The following SNX8 variants were observed in gnomAD, a reference collection of about 807,000 sequenced individuals.
The protein encoded by SNX8 is sorting nexin 8.
A neutral mutation model predicts 51.6 loss-of-function variants in SNX8; 25 were observed. The ratio of observed to expected loss-of-function variants is 0.48; its 90% CI spans 0.35 to 0.68. The LOEUF is 0.68. SNX8 is among the 30% of genes least tolerant of loss of function. SNX8 has a pLI of 0.00. For missense variants in SNX8, 695 were observed against 624.0 expected (o/e 1.11, Z -1.21); for synonymous variants, 324 against 277.0 (o/e 1.17, Z -1.68).
chr7:2,316,080 C>G (rs560874880), upstream of SNX8, among the ~76,000 whole-genome samples: 271 of 149,406 alleles, frequency 1.8e-3, 2 homozygotes, highest in African/African-American at 6.3e-3. Flanking sequence ...CTCACTCATG[C>G]ACTTCATCCT....
rs972021394 is a variant in SNX8, at chr7:2,254,952, G to A, written c.*104C>T. On this transcript the variant is annotated 3_prime_UTR_variant, in exon 11 of 11. Transcript: ENST00000222990. ...CTCTGCTCCAGCTGCAGCACGGGGC[G>A]TGGCGGGGAGGGGAGCTGCCGTCCA... The A allele has an allele frequency of 1.9e-5, 15 of 804,500 alleles. No homozygotes were observed. Among genetic ancestry groups the A allele is most frequent in the African/African-American group, 1.5e-4 (9 of 59,088 alleles). The allele number at this position is 804,500 out of a possible 1,614,324, so 49.8% of individuals were successfully genotyped here.
chr7:2,279,494 G>A (rs62442529), intron 1 of SNX8, among the ~76,000 whole-genome samples: 23,916 of 152,154 alleles, frequency 0.16, 2,149 homozygotes, highest in Middle Eastern at 0.26. Flanking sequence ...GCTCACGCCT[G>A]TAATCCTGGG....
chr7:2,299,197 T>G (rs1473452956), intron 1 of SNX8: 1 of 151,884 alleles, frequency 6.6e-6, no homozygotes, highest in Non-Finnish European at 1.5e-5. Flanking sequence ...CATCCATCGC[T>G]GAGACCCAGG....
intron 1 of SNX8, among the ~76,000 whole-genome samples, chr7:2,339,092 T>C (rs536178963): frequency 4.6e-5 from 7 of 152,144 alleles, no homozygotes; most frequent in African/African-American, 7.2e-5. Context: ...AAATTATTTG[T>C]AGATACAAGA....
At chr7:2,308,978 G>C (rs141370993) in intron 1 of SNX8, among the ~76,000 whole-genome samples, 1 of 151,864 alleles carries the variant, frequency 6.6e-6, no homozygotes, top group Non-Finnish European at 1.5e-5. Flanking sequence ...TTGTACAGAC[G>C]GGGTTTCACC....
chr7:2,321,478 G>C (rs1385949505), intron 1 of SNX8, among the ~76,000 whole-genome samples: 1 of 149,588 alleles, frequency 6.7e-6, no homozygotes, highest in African/African-American at 2.5e-5. Context: ...CCAGGCTGGA[G>C]TGCAGTGGCG....
At chr7:2,268,507 C>A (rs1240403310) in intron 5 of SNX8, among the ~76,000 whole-genome samples, 77 of 130,720 alleles carry the variant, frequency 5.9e-4, no homozygotes, top group Non-Finnish European at 6.4e-4. Context: ...GGTGGGGGGT[C>A]AGCCCCCCCG....
In SNX8 at chr7:2,269,549, A is replaced by G. The variant is rs978493901; in HGVS notation, c.621+10T>C. ...AAAAAAAAAAAAAAAGAAAAAAAAA[A>G]GAAAAATACCTTGGCCCTGGTAGCC... On this transcript the variant is annotated intron_variant, in intron 5 of 10. Coordinates refer to ENST00000222990, the MANE Select transcript of SNX8 (RefSeq NM_013321.4). 5.3e-6 allele frequency: 8 copies of G among 1,500,638 alleles called. No individual in the cohort carries two copies. The African/African-American group carries it at 1.1e-4, about 21-fold the overall frequency. The allele number at this position is 1,500,638 out of a possible 1,614,324, so 93.0% of individuals were successfully genotyped here. A position where few individuals can be genotyped will look rare whatever the true frequency, so the allele number is the denominator to read the frequency against.
intron 1 of SNX8, among the ~76,000 whole-genome samples, chr7:2,300,359 C>A (rs1290511838): frequency 6.6e-6 from 1 of 152,212 alleles, no homozygotes; most frequent in African/African-American, 2.4e-5. Context: ...AGACTGTCTA[C>A]ACCCAGTTGT....
At chr7:2,346,793 A>C (rs1423738993) in intron 1 of SNX8, among the ~76,000 whole-genome samples, 1 of 149,180 alleles carries the variant, frequency 6.7e-6, no homozygotes, top group East Asian at 2.0e-4. Context: ...GGTGGCTCAC[A>C]CCTGTAGCCA....
intron 1 of SNX8, among the ~76,000 whole-genome samples, chr7:2,321,724 T>C (rs1290876769): frequency 7.5e-6 from 1 of 133,168 alleles, no homozygotes; most frequent in Non-Finnish European, 1.6e-5. Flanking sequence ...TTTTTTTTTT[T>C]TTTTTTTTTG....
chr7:2,257,298 T>G, intron 9 of SNX8, 67 bp downstream of exon 9: 1 of 1,539,820 alleles, frequency 6.5e-7, no homozygotes, highest in Non-Finnish European at 8.7e-7. Flanking sequence ...CCAGGACGGC[T>G]CCGGGTCCCA....
Position 2,271,874 on chromosome 7 carries a change from C to T in SNX8, c.516G>A (p.Lys172=). 2 of 1,612,424 alleles carry T rather than the reference C, an allele frequency of 1.2e-6. No individual in the cohort carries two copies. The highest frequency in any genetic ancestry group is 1.7e-6 in the Non-Finnish European group (2 of 1,179,368). ...CCGAGCCGCTGAAGGACAGGAAGAG[C>T]TTGAGGACCACATCCTCGGAGAACA... ...HPLFSEDVVL[K]LFLSFSGSDV... is the part of the protein sequence containing the mutation. Residue 172 remains lysine, a synonymous_variant, in exon 4 of 11, where the codon AAG becomes AAA. Coordinates refer to ENST00000222990, the MANE Select transcript of SNX8 (RefSeq NM_013321.4).
At chr7:2,306,630 T>A (rs1796550588) in intron 1 of SNX8, among the ~76,000 whole-genome samples, 2 of 152,040 alleles carry the variant, frequency 1.3e-5, no homozygotes, top group Non-Finnish European at 1.5e-5. Flanking sequence ...GAACTAACTA[T>A]AAAGACGCAT....
In SNX8 at chr7:2,263,278, T is replaced by C; in HGVS notation, c.867A>G (p.Lys289=). The change falls in exon 7 of 11, where the codon AAA becomes AAG. Residue 289 remains lysine, a synonymous_variant. Transcript: ENST00000222990. ...STWGSLKQAL[K]GLSVEFALLA... is the part of the protein sequence containing the mutation. ...GCAGCGCGAATTCCACAGACAGGCC[T>C]TTCAGAGCCTGCTTCAGGGACCCCC... is the stretch of plus-strand genomic sequence containing the variant. 6.2e-7 allele frequency: 1 copy of C among 1,613,958 alleles called. No homozygotes were observed. The highest frequency in any genetic ancestry group is 1.3e-5 in the African/African-American group (1 of 75,072).
chr7:2,260,006 GAA>G (rs1471660107), intron 7 of SNX8, among the ~76,000 whole-genome samples: 2 of 152,002 alleles, frequency 1.3e-5, no homozygotes, highest in African/African-American at 2.4e-5. Context: ...AAGGAAAAAA[GAA>G]AGAGAGAGAG....
chr7:2,345,341 T>A (rs572768284), intron 1 of SNX8, among the ~76,000 whole-genome samples: 1 of 152,220 alleles, frequency 6.6e-6, no homozygotes, highest in African/African-American at 2.4e-5. Flanking sequence ...GTGCAGCACG[T>A]CCATTTAAAG....
rs953897569 is a variant in SNX8 at position 2,328,885 on chromosome 7, A to G, written c.-66+25337T>C. 3.7e-4 allele frequency among the ~76,000 whole-genome samples: 57 copies of G among 152,128 alleles called. No individual in the cohort carries two copies. In the Middle Eastern group the frequency reaches 0.014, roughly 36 times the overall value. On this transcript the variant is annotated intron_variant, in intron 1 of 5. Coordinates refer to the SNX8 transcript ENST00000435336. The stretch of plus-strand genomic sequence containing the variant: ...TGGATCACAAGGTCAGGAGATCGAG[A>G]CCATCCTGGCTAACATGGTGAAACC...
intron 2 of SNX8, among the ~76,000 whole-genome samples, chr7:2,276,873 A>T (rs1326803664): frequency 7.3e-6 from 1 of 136,512 alleles, no homozygotes; most frequent in Non-Finnish European, 1.7e-5. Context: ...TGAGCCTGGG[A>T]GGTTGAGGCT....
Sources: gnomAD v4.1 joint callset for allele counts (sites outside exome capture counted in the v4.1 genomes callset) on GRCh38, gnomAD v4.1.1 for gene constraint, MANE v1.5 for transcripts, NCBI Gene and HGNC (gene_info 2026-07-23, HGNC 2026-07-21) for gene names.